NAV3: variants seen among roughly 807,000 people sequenced by gnomAD.
The protein encoded by NAV3 is pore membrane and/or filament interacting like protein 1.
Under a neutral mutation model 244.7 loss-of-function variants are expected in NAV3, and 87 were observed. The ratio of observed to expected loss-of-function variants is 0.36; its 90% CI spans 0.30 to 0.42. NAV3 has a LOEUF of 0.42. Among genes scored for constraint, NAV3 ranks in the 20% least tolerant of loss-of-function variants. NAV3 has a pLI of 1.00. For missense variants in NAV3, 2,663 were observed against 2,893.3 expected (o/e 0.92, Z 1.83); for synonymous variants, 1,126 against 1,042.2 (o/e 1.08, Z -1.55).
intron 2 of NAV3, among the ~76,000 whole-genome samples, chr12:77,581,356 G>T (rs1336434346): frequency 6.6e-6 from 1 of 152,148 alleles, no homozygotes; most frequent in African/African-American, 2.4e-5. Flanking sequence ...ACTTTTTATA[G>T]TTAGTAATTC....
At chr12:77,983,362 G>T (rs371977349) in intron 5 of NAV3, among the ~76,000 whole-genome samples, 20 of 152,100 alleles carry the variant, frequency 1.3e-4, no homozygotes, top group East Asian at 9.6e-4. Flanking sequence ...GGAAGTAAGG[G>T]TAAAAGACAA....
chr12:77,804,147 C>T (rs1871851391), intron 2 of NAV3, among the ~76,000 whole-genome samples: 1 of 152,034 alleles, frequency 6.6e-6, no homozygotes, highest in South Asian at 2.1e-4. Context: ...TGCAGAAGCA[C>T]TTTAATTGGG....
chr12:78,176,420 T>C lies in NAV3; in HGVS notation c.5104-19T>C, dbSNP rs778897058. 6.2e-7 allele frequency: 1 copy of C among 1,612,266 alleles called. No individual in the cohort carries two copies. The highest frequency in any genetic ancestry group is 1.1e-5 in the South Asian group (1 of 90,974). On this transcript the variant is annotated intron_variant, in intron 25 of 39. Transcript: ENST00000397909. ...ATTCCCTTGATTTGTAATTCCACACTCTTTCATGTTTCTGCAAGGTGAACT... is the reference window on the plus strand; with the variant it reads ...ATTCCCTTGATTTGTAATTCCACACCCTTTCATGTTTCTGCAAGGTGAACT...
chr12:77,784,885 A>C (rs1199050803), intron 2 of NAV3, among the ~76,000 whole-genome samples: 1 of 152,188 alleles, frequency 6.6e-6, no homozygotes, highest in East Asian at 1.9e-4. Context: ...TCCACACCAG[A>C]TTCAGCCCTT....
chr12:78,007,836 G>A (rs1460488148), intron 8 of NAV3, among the ~76,000 whole-genome samples: 1 of 152,072 alleles, frequency 6.6e-6, no homozygotes, highest in Non-Finnish European at 1.5e-5. Context: ...TATTTTTGTT[G>A]TCATCTTTGG....
chr12:77,939,958 G>A (rs1415931106), intron 1 of NAV3, among the ~76,000 whole-genome samples: 1 of 152,114 alleles, frequency 6.6e-6, no homozygotes, highest in East Asian at 1.9e-4. Context: ...GTCCAGGTGG[G>A]TTTCTTTTAC....
At chr12:77,596,383 T>G (rs929231483) in intron 2 of NAV3, among the ~76,000 whole-genome samples, 1 of 152,172 alleles carries the variant, frequency 6.6e-6, no homozygotes, top group African/African-American at 2.4e-5. Context: ...ATCTTAATAT[T>G]TATTTCTAGA....
chr12:77,970,446 CAA>C (rs1892902587), intron 5 of NAV3, among the ~76,000 whole-genome samples: 2 of 152,120 alleles, frequency 1.3e-5, no homozygotes, highest in African/African-American at 4.8e-5. Context: ...CCATAATAAA[CAA>C]TATTTATTTC....
intron 22 of NAV3, among the ~76,000 whole-genome samples, chr12:78,157,311 G>T (rs189734819): frequency 1.3e-5 from 2 of 151,892 alleles, no homozygotes; most frequent in African/African-American, 4.8e-5. Context: ...CACTTTGCGG[G>T]GCCAAGGTGG....
intron 2 of NAV3, among the ~76,000 whole-genome samples, chr12:77,717,223 G>T (rs369919640): frequency 6.6e-6 from 1 of 151,946 alleles, no homozygotes; most frequent in East Asian, 1.9e-4. Flanking sequence ...CAGAAATCTA[G>T]AACTTTTTCT....
chr12:78,109,308 A>T (rs1167913987), intron 12 of NAV3, among the ~76,000 whole-genome samples: 2 of 152,046 alleles, frequency 1.3e-5, no homozygotes, highest in Non-Finnish European at 2.9e-5. Context: ...AATCAGTAAT[A>T]AAAAACATCT....
intron 1 of NAV3, among the ~76,000 whole-genome samples, chr12:77,833,935 C>T (rs1331863668): frequency 6.6e-6 from 1 of 152,066 alleles, no homozygotes. Context: ...AGGTGCCTGT[C>T]GGTGTCCTCT....
rs540390004 is a variant in NAV3, at chr12:77,873,679, G to GTGTGTATATATATA, written c.243+41976_243+41977insGTGTATATATATAT. Among the ~76,000 whole-genome samples, 70 of 107,292 alleles carry GTGTGTATATATATA rather than the reference G, an allele frequency of 6.5e-4. 5 individuals are homozygous for GTGTGTATATATATA. Among genetic ancestry groups the GTGTGTATATATATA allele is most frequent in the Middle Eastern group, 0.01 (1 of 98 alleles). 70.4% of individuals were successfully genotyped at this position (107,292 alleles called of 152,430 possible). A position where few individuals can be genotyped will look rare whatever the true frequency, so the allele number is the denominator to read the frequency against. On this transcript the variant is annotated intron_variant, in intron 1 of 39. Coordinates refer to ENST00000397909, the MANE Select transcript of NAV3 (RefSeq NM_001024383.2). ...TTATATATATACATGATTTGTATGTGTATATATATATATATATATATATAT... is the reference window on the plus strand; with the variant it reads ...TTATATATATACATGATTTGTATGTGTGTGTATATATATATATATATATATATATATATATATAT...
chr12:77,871,096 A>G (rs1880882723), intron 1 of NAV3, among the ~76,000 whole-genome samples: 1 of 152,180 alleles, frequency 6.6e-6, no homozygotes, highest in African/African-American at 2.4e-5. Context: ...CTAAGCATTT[A>G]CAAGGGAACA....
intron 1 of NAV3, among the ~76,000 whole-genome samples, chr12:77,862,620 G>C (rs537252322): frequency 4.6e-5 from 7 of 151,844 alleles, no homozygotes; most frequent in South Asian, 4.2e-4. Context: ...GGTCTAATGG[G>C]TGTGCCAAGC....
At chr12:78,056,424 G>C (rs927566963) in intron 11 of NAV3, 3 of 152,300 alleles carry the variant, frequency 2.0e-5, no homozygotes, top group Non-Finnish European at 4.4e-5. Flanking sequence ...TTTAAGAAAA[G>C]GGGGCTTAGA....
chr12:77,686,304 GC>G (rs1373179984), intron 2 of NAV3, among the ~76,000 whole-genome samples: 2 of 151,954 alleles, frequency 1.3e-5, no homozygotes, highest in African/African-American at 4.8e-5. Flanking sequence ...TGTTGACCAG[GC>G]CGGTCTTGAA....
At chr12:77,925,657 G>A (rs1468539466) in intron 1 of NAV3, among the ~76,000 whole-genome samples, 1 of 152,070 alleles carries the variant, frequency 6.6e-6, no homozygotes, top group Non-Finnish European at 1.5e-5. Context: ...ACAAGGCTAC[G>A]CAGCAGCAGC....
chr12:77,762,124 C>T (rs1308196062), intron 2 of NAV3, among the ~76,000 whole-genome samples: 7 of 152,106 alleles, frequency 4.6e-5, no homozygotes, highest in South Asian at 2.1e-4. Flanking sequence ...TCATGTCCTT[C>T]GCAGAGACAT....
Sources: gnomAD v4.1 joint callset for allele counts (sites outside exome capture counted in the v4.1 genomes callset) on GRCh38, gnomAD v4.1.1 for gene constraint, MANE v1.5 for transcripts, NCBI Gene and HGNC (gene_info 2026-07-23, HGNC 2026-07-21) for gene names.